Variants in ANKRD11 observed in about 807,000 individuals in gnomAD.
ANKRD11 encodes ankyrin repeat domain 11, also known as ankyrin repeat domain-containing protein 11.
In ANKRD11, 17 loss-of-function variants were observed where a neutral mutation model predicts 195.7. The observed-to-expected ratio is 0.09, with a 90% CI of 0.06 to 0.13. ANKRD11 has a LOEUF of 0.13. Among genes scored for constraint, ANKRD11 ranks in the 10% least tolerant of loss-of-function variants. The pLI, the probability that ANKRD11 is intolerant of heterozygous loss-of-function variation, is 1.00. For synonymous variants in ANKRD11, 1,953 were observed against 1,528.1 expected (o/e 1.28, Z -6.49); for missense variants, 3,735 against 3,566.1 (o/e 1.05, Z -1.21).
chr16:89,367,834 CCT>C (rs1369968279), intron 2 of ANKRD11, among the ~76,000 whole-genome samples: 5 of 152,154 alleles, frequency 3.3e-5, no homozygotes, highest in African/African-American at 7.2e-5. Flanking sequence ...ATGGCGAAAC[CCT>C]GTCTCTACAA....
chr16:89,418,193 C>A (rs1024527031), intron 2 of ANKRD11, 91 bp downstream of exon 2: 9 of 432,110 alleles, frequency 2.1e-5, no homozygotes, highest in African/African-American at 1.8e-4. Context: ...TCCAAGAAAA[C>A]CAACCTGGAC....
chr16:89,489,402 C>G (rs1011362152), intron 1 of ANKRD11, among the ~76,000 whole-genome samples: 42 of 145,416 alleles, frequency 2.9e-4, no homozygotes, highest in Non-Finnish European at 5.6e-4. Context: ...AGCCACCCCC[C>G]ACACCCGCCC....
At chr16:89,387,388 T>C (rs2040961428) in intron 2 of ANKRD11, among the ~76,000 whole-genome samples, 3 of 151,950 alleles carry the variant, frequency 2.0e-5, no homozygotes, top group Admixed American at 2.0e-4. Flanking sequence ...AAGACTGTGC[T>C]TGGGCCGGGC....
intron 12 of ANKRD11, chr16:89,269,850 C>A (rs2151669410): frequency 6.6e-6 from 1 of 152,348 alleles, no homozygotes; most frequent in Middle Eastern, 3.4e-3. Flanking sequence ...CCCACCTCAG[C>A]CTCCCGAAGT....
intron 2 of ANKRD11, among the ~76,000 whole-genome samples, chr16:89,388,026 AAG>A (rs2041000725): frequency 6.6e-6 from 1 of 151,934 alleles, no homozygotes; most frequent in Non-Finnish European, 1.5e-5. Flanking sequence ...AAAAAAAAAA[AAG>A]GACTGTGCTC....
At chr16:89,342,503 G>A (rs552889735) in intron 2 of ANKRD11, among the ~76,000 whole-genome samples, 4 of 152,348 alleles carry the variant, frequency 2.6e-5, no homozygotes, top group African/African-American at 9.6e-5. Flanking sequence ...GCAGGGAGAG[G>A]CCAGCGTGAA....
intron 1 of ANKRD11, among the ~76,000 whole-genome samples, chr16:89,426,779 G>A (rs1230729928): frequency 2.6e-5 from 4 of 152,088 alleles, no homozygotes; most frequent in East Asian, 1.9e-4. Context: ...TTTTATGATC[G>A]GCGTCATGGA....
At chr16:89,337,603 A>T (rs1288196442) in intron 2 of ANKRD11, among the ~76,000 whole-genome samples, 1 of 151,150 alleles carries the variant, frequency 6.6e-6, no homozygotes. Context: ...TGCCCAGATA[A>T]TTTTTTTGTA....
intron 2 of ANKRD11, among the ~76,000 whole-genome samples, chr16:89,383,019 T>G (rs1423031765): frequency 6.6e-6 from 1 of 152,226 alleles, no homozygotes; most frequent in African/African-American, 2.4e-5. Context: ...AAAGCGTAAC[T>G]TTTAATAAAG....
chr16:89,479,405 G>A (rs537744399), intron 1 of ANKRD11, among the ~76,000 whole-genome samples: 48 of 152,026 alleles, frequency 3.2e-4, no homozygotes, highest in African/African-American at 1.1e-3. Context: ...GGCCGAGGCA[G>A]GCGGATCATC....
chr16:89,339,927 G>A (rs530431009), intron 2 of ANKRD11: 2 of 152,304 alleles, frequency 1.3e-5, no homozygotes, highest in Non-Finnish European at 2.9e-5. Flanking sequence ...CGCATTGGAC[G>A]GTTCCTGCCG....
intron 1 of ANKRD11, among the ~76,000 whole-genome samples, chr16:89,432,983 TCTCTCTCCTCTCTCTCA>T (rs1567798626): frequency 2.2e-5 from 3 of 134,950 alleles, no homozygotes; most frequent in African/African-American, 9.3e-5. Flanking sequence ...TCTCTCTCTC[TCTCTCTCCTCTCTCTCA>T]CACACACACA....
intron 1 of ANKRD11, among the ~76,000 whole-genome samples, chr16:89,481,562 A>C (rs1029922897): frequency 7.2e-5 from 11 of 152,194 alleles, no homozygotes; most frequent in African/African-American, 2.7e-4. Flanking sequence ...GTCTCAAAAA[A>C]AGAACCATTT....
intron 2 of ANKRD11, among the ~76,000 whole-genome samples, chr16:89,357,617 G>A (rs2039544787): frequency 1.3e-5 from 2 of 152,162 alleles, no homozygotes; most frequent in South Asian, 4.1e-4. Flanking sequence ...AAACCCGAGT[G>A]TCCCCTGGCG....
intron 1 of ANKRD11, among the ~76,000 whole-genome samples, chr16:89,444,972 C>T (rs563860570): frequency 1.3e-5 from 2 of 152,174 alleles, no homozygotes; most frequent in African/African-American, 2.4e-5. Flanking sequence ...CCCACCCAGA[C>T]AGTGGCACAC....
intron 11 of ANKRD11, chr16:89,272,089 G>C (rs1228590678): frequency 6.6e-6 from 1 of 152,122 alleles, no homozygotes; most frequent in African/African-American, 2.4e-5. Context: ...CAAAAGATCT[G>C]AATAGACGTT....
chr16:89,348,202 GATTACAGGC>G (rs777359215), intron 2 of ANKRD11, among the ~76,000 whole-genome samples: 1 of 152,056 alleles, frequency 6.6e-6, no homozygotes, highest in Non-Finnish European at 1.5e-5. Context: ...AAAATGTTGG[GATTACAGGC>G]ATGAGCCACC....
At position 89,372,463 on chromosome 16, in the gene ANKRD11, A is replaced by C. The variant is rs984502995; in HGVS notation, c.-60+45821T>G. On this transcript the variant is annotated intron_variant, in intron 2 of 12. Coordinates refer to ENST00000301030, the MANE Select transcript of ANKRD11 (RefSeq NM_013275.6). Reference sequence around the variant, plus strand: ...AGGCGGCTCAGGGCACCAGCTGCCCACTGAGTCACTGTGAGAAGAGCGAAG... The same window carrying C: ...AGGCGGCTCAGGGCACCAGCTGCCCCCTGAGTCACTGTGAGAAGAGCGAAG... Among the ~76,000 whole-genome samples the C allele has an allele frequency of 2.7e-4, 41 of 152,292 alleles. 1 individual carries two copies. The highest frequency in any genetic ancestry group is 2.6e-3 in the Admixed American group (40 of 15,298).
At chr16:89,386,471 G>A (rs2040914897) in intron 2 of ANKRD11, among the ~76,000 whole-genome samples, 1 of 152,150 alleles carries the variant, frequency 6.6e-6, no homozygotes, top group South Asian at 2.1e-4. Context: ...TCTCACCAGG[G>A]ACAGTGGAGG....
Sources: allele counts gnomAD v4.1 joint callset (sites outside exome capture counted in the v4.1 genomes callset), GRCh38; gene constraint gnomAD v4.1.1; transcripts MANE v1.5; gene names NCBI Gene and HGNC (gene_info 2026-07-23, HGNC 2026-07-21).